CDH18: variants seen among roughly 807,000 people sequenced by gnomAD.
The protein encoded by CDH18 is cadherin-18.
Under a neutral mutation model 67.9 loss-of-function variants are expected in CDH18, and 31 were observed. The observed-to-expected ratio is 0.46, with a 90% CI of 0.34 to 0.62. The LOEUF is 0.62. Ranked by LOEUF, CDH18 falls within the 20% of genes least tolerant of loss-of-function variation. The probability of loss-of-function intolerance (pLI) is 0.01; values close to 1 mark genes in which losing one functional copy is unlikely to be tolerated. For synonymous variants in CDH18, 362 were observed against 347.2 expected, an observed-to-expected ratio of 1.04 and a Z score of -0.48; for missense variants, 890 against 975.5, an observed-to-expected ratio of 0.91 and a Z score of 1.17.
chr5:19,619,117 T>C (rs757282761), intron 5 of CDH18, among the ~76,000 whole-genome samples: 2 of 152,170 alleles, frequency 1.3e-5, no homozygotes, highest in Admixed American at 6.6e-5. Flanking sequence ...CTTGTCTGTA[T>C]AGAAAACAAA....
intron 1 of CDH18, among the ~76,000 whole-genome samples, chr5:20,532,837 AT>A (rs1756495492): frequency 6.6e-6 from 1 of 151,942 alleles, no homozygotes; most frequent in Admixed American, 6.6e-5. Flanking sequence ...GATGTTTTAC[AT>A]CTTTTTGTAG....
At chr5:19,768,021 A>G (rs1001261490) in intron 3 of CDH18, among the ~76,000 whole-genome samples, 15 of 152,264 alleles carry the variant, frequency 9.9e-5, no homozygotes, top group Admixed American at 9.2e-4. Context: ...GAAAACCAAG[A>G]TCCACAAATC....
intron 3 of CDH18, among the ~76,000 whole-genome samples, chr5:19,757,399 C>A (rs922605748): frequency 1.3e-5 from 2 of 152,186 alleles, no homozygotes; most frequent in Non-Finnish European, 2.9e-5. Flanking sequence ...CTGCTGCTGG[C>A]AAACTGGGCA....
At chr5:19,516,495 G>T (rs981793191) in intron 10 of CDH18, among the ~76,000 whole-genome samples, 3 of 151,730 alleles carry the variant, frequency 2.0e-5, no homozygotes, top group Admixed American at 6.6e-5. Flanking sequence ...TTTTTTGGTT[G>T]GTAGGCTATT....
At chr5:19,687,799 C>T (rs1761316964) in intron 5 of CDH18, among the ~76,000 whole-genome samples, 1 of 152,204 alleles carries the variant, frequency 6.6e-6, no homozygotes. Flanking sequence ...AGCAAGGTCA[C>T]AACACATTCA....
intron 5 of CDH18, among the ~76,000 whole-genome samples, chr5:19,682,044 G>C (rs1216007036): frequency 6.6e-6 from 1 of 151,970 alleles, no homozygotes; most frequent in Non-Finnish European, 1.5e-5. Context: ...AAGAACTTAG[G>C]ACACTTGATA....
chr5:19,741,595 A>G (rs1221199174), intron 4 of CDH18, among the ~76,000 whole-genome samples: 1 of 152,112 alleles, frequency 6.6e-6, no homozygotes, highest in Non-Finnish European at 1.5e-5. Context: ...AAACACTGCA[A>G]TTTCTTACCT....
intron 1 of CDH18, among the ~76,000 whole-genome samples, chr5:20,518,574 C>T (rs1755521989): frequency 6.6e-6 from 1 of 152,124 alleles, no homozygotes; most frequent in Non-Finnish European, 1.5e-5. Context: ...TTTCAATGGA[C>T]TAAGCATTTT....
At chr5:19,647,224 A>C (rs1754884774) in intron 5 of CDH18, among the ~76,000 whole-genome samples, 1 of 151,986 alleles carries the variant, frequency 6.6e-6, no homozygotes, top group African/African-American at 2.4e-5. Context: ...AATGTAATTT[A>C]AAGATGCCTA....
At chr5:20,108,607 T>A (rs548808304) in intron 2 of CDH18, among the ~76,000 whole-genome samples, 1 of 152,196 alleles carries the variant, frequency 6.6e-6, no homozygotes, top group Admixed American at 6.5e-5. Flanking sequence ...TCACCTCGTG[T>A]CTTTCATCTC....
rs992849269 is a variant in CDH18 at position 19,473,218 on chromosome 5, C to G, written c.*8G>C. 2 of 1,610,534 alleles carry G rather than the reference C, an allele frequency of 1.2e-6. No homozygotes were observed. Among genetic ancestry groups the G allele is most frequent in the Non-Finnish European group, 8.5e-7 (1 of 1,177,704 alleles). ...AGCAAATTCCACAAGGTTGCAAGAA[C>G]TGACCCCCTAAGTTGTTCTTTCAGA... On this transcript the variant is annotated 3_prime_UTR_variant, in exon 13 of 13. Transcript: ENST00000382275.
intron 2 of CDH18, among the ~76,000 whole-genome samples, chr5:20,200,909 C>T (rs1281890009): frequency 3.3e-5 from 5 of 152,044 alleles, no homozygotes; most frequent in Non-Finnish European, 5.9e-5. Flanking sequence ...CCTTATTCAA[C>T]TAAAAAATCA....
At chr5:19,714,805 T>C (rs1765148006) in intron 5 of CDH18, among the ~76,000 whole-genome samples, 1 of 152,006 alleles carries the variant, frequency 6.6e-6, no homozygotes, top group African/African-American at 2.4e-5. Flanking sequence ...TTATACTTTA[T>C]TTTGCTTAAA....
chr5:20,192,510 C>A (rs1333241098), intron 2 of CDH18, among the ~76,000 whole-genome samples: 2 of 152,198 alleles, frequency 1.3e-5, no homozygotes, highest in East Asian at 3.9e-4. Flanking sequence ...TTTAATGCAT[C>A]TTTACTTAAT....
intron 1 of CDH18, among the ~76,000 whole-genome samples, chr5:20,351,191 T>C (rs11959465): frequency 0.035 from 5,275 of 148,730 alleles, 209 homozygotes; most frequent in African/African-American, 0.1. Flanking sequence ...TGTGTGTGTG[T>C]GCGTGTGTGT....
At chr5:19,612,237 T>C (rs1580488631) in intron 6 of CDH18, among the ~76,000 whole-genome samples, 197 bp downstream of exon 6, 3 of 152,232 alleles carry the variant, frequency 2.0e-5, no homozygotes, top group South Asian at 4.1e-4. Flanking sequence ...TCTGAACACA[T>C]TCCCAATTAT....
chr5:20,325,801 A>C (rs957377840), intron 1 of CDH18, among the ~76,000 whole-genome samples: 1 of 152,128 alleles, frequency 6.6e-6, no homozygotes, highest in Non-Finnish European at 1.5e-5. Context: ...ATATTCTCTG[A>C]CATCTGGTTT....
intron 3 of CDH18, among the ~76,000 whole-genome samples, chr5:19,749,106 T>C (rs1770499918): frequency 6.6e-6 from 1 of 152,030 alleles, no homozygotes; most frequent in African/African-American, 2.4e-5. Context: ...ATCATTTTAG[T>C]ATCTAGAAGA....
chr5:20,274,775 A>T (rs549545600), intron 1 of CDH18, among the ~76,000 whole-genome samples: 21 of 152,326 alleles, frequency 1.4e-4, no homozygotes, highest in African/African-American at 5.0e-4. Context: ...CTTTTGGCGT[A>T]TTATCATACT....
Sources: allele counts gnomAD v4.1 joint callset (sites outside exome capture counted in the v4.1 genomes callset), GRCh38; gene constraint gnomAD v4.1.1; transcripts MANE v1.5; gene names NCBI Gene and HGNC (gene_info 2026-07-23, HGNC 2026-07-21).